CATSPERE: variants seen among roughly 807,000 people sequenced by gnomAD.
CATSPERE encodes the protein cation channel sperm-associated auxiliary subunit epsilon.
In CATSPERE, 93 loss-of-function variants were observed where a neutral mutation model predicts 114.1. That is an observed-to-expected ratio of 0.81 (90% CI 0.69 to 0.97). The LOEUF (loss-of-function observed/expected upper bound fraction) is 0.97. CATSPERE is among the 50% of genes least tolerant of loss of function. The probability of loss-of-function intolerance (pLI) is 0.00; values close to 1 mark genes in which losing one functional copy is unlikely to be tolerated. For synonymous variants in CATSPERE, 341 were observed against 384.1 expected (o/e 0.89, Z 1.31); for missense variants, 1,058 against 1,131.6 (o/e 0.93, Z 0.93).
chr1:244,536,599 G>GA (rs1680423110), intron 8 of CATSPERE, among the ~76,000 whole-genome samples: 1 of 152,180 alleles, frequency 6.6e-6, no homozygotes, highest in African/African-American at 2.4e-5. Context: ...AAAGCACACA[G>GA]ATTCGTTGTC....
chr1:244,585,870 T>C (rs566169910), intron 13 of CATSPERE, among the ~76,000 whole-genome samples: 6 of 152,174 alleles, frequency 3.9e-5, no homozygotes, highest in Admixed American at 2.0e-4. Flanking sequence ...AATGCAGAAA[T>C]GTAGGCCAGC....
At chr1:244,492,946 G>A (rs1460321167) in intron 6 of CATSPERE, among the ~76,000 whole-genome samples, 2 of 150,702 alleles carry the variant, frequency 1.3e-5, no homozygotes, top group African/African-American at 2.4e-5. Flanking sequence ...AAATAAAAGA[G>A]GATACAAAGA....
At chr1:244,601,243 TAAAG>T (rs777324907) in intron 17 of CATSPERE, among the ~76,000 whole-genome samples, 21 of 151,738 alleles carry the variant, frequency 1.4e-4, no homozygotes, top group Non-Finnish European at 1.6e-4. Context: ...GGTAAACAGA[TAAAG>T]AAATAAGAAA....
chr1:244,502,354 T>C (rs1397282930), intron 7 of CATSPERE, among the ~76,000 whole-genome samples: 1 of 152,232 alleles, frequency 6.6e-6, no homozygotes, highest in African/African-American at 2.4e-5. Context: ...TTTTAATATG[T>C]GTCTTATAAA....
chr1:244,603,677 T>TA (rs397808419), intron 17 of CATSPERE, among the ~76,000 whole-genome samples: 18 of 151,628 alleles, frequency 1.2e-4, no homozygotes, highest in African/African-American at 2.2e-4. Flanking sequence ...TTTTTTTTTT[T>TA]AATAAAACAT....
chr1:244,597,132 CA>C (rs1668544119), intron 17 of CATSPERE, among the ~76,000 whole-genome samples: 1 of 152,192 alleles, frequency 6.6e-6, no homozygotes, highest in African/African-American at 2.4e-5. Context: ...ACTCATCCTA[CA>C]AATATACAGG....
intron 20 of CATSPERE, among the ~76,000 whole-genome samples, chr1:244,629,503 CTTTTTT>C (rs369560104): frequency 7.3e-5 from 6 of 82,300 alleles, no homozygotes; most frequent in Non-Finnish European, 1.1e-4. Context: ...TCTCTCTTAC[CTTTTTT>C]TTTTTTTTTT....
intron 17 of CATSPERE, among the ~76,000 whole-genome samples, chr1:244,603,037 CT>C (rs940705295): frequency 1.6e-4 from 24 of 152,156 alleles, no homozygotes; most frequent in Admixed American, 1.5e-3. Flanking sequence ...AAATTGGCTA[CT>C]TTGAATAATT....
chr1:244,534,087 C>G (rs568894793), intron 8 of CATSPERE, among the ~76,000 whole-genome samples: 1 of 152,250 alleles, frequency 6.6e-6, no homozygotes, highest in Admixed American at 6.5e-5. Context: ...TCATGCCACT[C>G]TCTCCTTGCC....
At chr1:244,539,521 T>C (rs9662160) in intron 8 of CATSPERE, among the ~76,000 whole-genome samples, 17,719 of 126,828 alleles carry the variant, frequency 0.14, 2,095 homozygotes, top group African/African-American at 0.32. Context: ...TCTTTTTCTA[T>C]TGATTGGAAT....
At chr1:244,494,290 A>G (rs1046035445) in intron 6 of CATSPERE, among the ~76,000 whole-genome samples, 7 of 152,046 alleles carry the variant, frequency 4.6e-5, no homozygotes, top group African/African-American at 1.5e-4. Flanking sequence ...TGAAGAATTC[A>G]TGTCCTTTGT....
intron 8 of CATSPERE, among the ~76,000 whole-genome samples, chr1:244,539,089 A>C (rs1385533294): frequency 6.6e-6 from 1 of 152,144 alleles, no homozygotes; most frequent in East Asian, 1.9e-4. Context: ...TTTCCTCTGG[A>C]GGGAGCATCT....
intron 8 of CATSPERE, among the ~76,000 whole-genome samples, chr1:244,539,940 A>AT (rs74162769): frequency 0.87 from 131,211 of 151,084 alleles, 57,942 homozygotes; most frequent in East Asian, 1. Flanking sequence ...GGATTCATTA[A>AT]TTTTTTTGAA....
chr1:244,627,424 ATAT>A (rs1056138054), intron 20 of CATSPERE, among the ~76,000 whole-genome samples: 9 of 152,158 alleles, frequency 5.9e-5, no homozygotes, highest in African/African-American at 1.9e-4. Flanking sequence ...TTTTTAAAAA[ATAT>A]TATCCAGGCA....
chr1:244,621,211 A>C (rs1310167246), intron 20 of CATSPERE, among the ~76,000 whole-genome samples: 12 of 57,898 alleles, frequency 2.1e-4, no homozygotes, highest in Non-Finnish European at 3.3e-4. Flanking sequence ...AGATATATTT[A>C]TATATATATT....
At chr1:244,628,037 T>C (rs1483271357) in intron 20 of CATSPERE, among the ~76,000 whole-genome samples, 1 of 152,226 alleles carries the variant, frequency 6.6e-6, no homozygotes, top group Non-Finnish European at 1.5e-5. Flanking sequence ...GTTAAAGCAA[T>C]ACTGTTGTGT....
intron 9 of CATSPERE, among the ~76,000 whole-genome samples, chr1:244,558,268 G>A (rs746681908): frequency 2.6e-4 from 39 of 150,724 alleles, no homozygotes; most frequent in Non-Finnish European, 4.9e-4. Context: ...TCAGCCTCAC[G>A]TGTAGCTGGG....
At chr1:244,582,951 ATATATATATATATATATATATATAT>A (rs1666436580) in intron 12 of CATSPERE, among the ~76,000 whole-genome samples, 294 of 3,634 alleles carry the variant, frequency 0.081, 14 homozygotes, top group Middle Eastern at 0.17. Context: ...ATATATATAT[ATATATATATATATATATATATATAT>A]AAATCAGTGA....
chr1:244,552,709 G>C lies in CATSPERE; in HGVS notation c.924G>C (p.Lys308Asn). The C allele has an allele frequency of 1.2e-6, 2 of 1,613,928 alleles. No individual in the cohort carries two copies. Among genetic ancestry groups the C allele is most frequent in the African/African-American group, 1.3e-5 (1 of 75,018 alleles). The change falls in exon 9 of 22, where the codon AAG becomes AAC. Residue 308 changes from lysine to asparagine, a missense_variant. This residue lies in a region of CATSPERE where 787 missense variants were observed against 905.6 expected (regional missense o/e 0.87). Transcript: ENST00000366534. ...VFLINGVLYI[K>N]SFRGFIRLGG... ...TTATAAATGGTGTTCTTTACATAAAGAGTTTTCGTGGATTTATAAGACTGG... is the reference window on the plus strand; with the variant it reads ...TTATAAATGGTGTTCTTTACATAAACAGTTTTCGTGGATTTATAAGACTGG...
Sources: allele counts gnomAD v4.1 joint callset (sites outside exome capture counted in the v4.1 genomes callset), GRCh38; gene constraint gnomAD v4.1.1; regional missense constraint gnomAD v4.1.1; transcripts MANE v1.5; gene names NCBI Gene and HGNC (gene_info 2026-07-23, HGNC 2026-07-21).